WRNIP1: variants seen among roughly 807,000 people sequenced by gnomAD.
WRNIP1 encodes WRN helicase interacting protein 1, also known as ATPase WRNIP1.
WRNIP1 carries 41 observed loss-of-function variants against 56.1 expected under a neutral mutation model. The ratio of observed to expected loss-of-function variants is 0.73; its 90% CI spans 0.57 to 0.95. WRNIP1 has a LOEUF of 0.95. Ranked by LOEUF, WRNIP1 falls within the 40% of genes least tolerant of loss-of-function variation. The probability of loss-of-function intolerance (pLI) is 0.00; values close to 1 mark genes in which losing one functional copy is unlikely to be tolerated. For missense variants in WRNIP1, 1,170 were observed against 939.4 expected (o/e 1.25, Z -3.21); for synonymous variants, 547 against 398.1 (o/e 1.37, Z -4.45).
intron 1 of WRNIP1, among the ~76,000 whole-genome samples, chr6:2,767,574 T>C (rs774845141): frequency 1.3e-5 from 2 of 152,222 alleles, no homozygotes; most frequent in Non-Finnish European, 2.9e-5. Flanking sequence ...TAACATCTTA[T>C]GATGATGGTG....
At chr6:2,784,249 G>T in intron 5 of WRNIP1, 75 bp from the exon 6 acceptor site, 1 of 1,416,778 alleles carries the variant, frequency 7.1e-7, no homozygotes, top group Non-Finnish European at 9.8e-7. Flanking sequence ...GTGGTGGTCT[G>T]TGGTCGCCTG....
intron 2 of WRNIP1, 127 bp from the exon 3 acceptor site, chr6:2,769,993 C>T: frequency 7.5e-6 from 10 of 1,339,968 alleles, no homozygotes; most frequent in Non-Finnish European, 6.2e-6. Flanking sequence ...GAATATAAGG[C>T]TGCTGCTATT....
intron 4 of WRNIP1, among the ~76,000 whole-genome samples, chr6:2,780,140 G>A (rs1437066222): frequency 6.6e-6 from 1 of 152,178 alleles, no homozygotes; most frequent in African/African-American, 2.4e-5. Context: ...AAAAGAAGTG[G>A]GAGATGAATA....
chr6:2,765,599 G>T lies in WRNIP1; in HGVS notation c.-24G>T, dbSNP rs1457764094. 3.1e-5 allele frequency: 46 copies of T among 1,489,244 alleles called. No homozygotes were observed. The Admixed American group carries it at 9.9e-4, about 32-fold the overall frequency. The allele number at this position is 1,489,244 out of a possible 1,614,324, so 92.3% of individuals were successfully genotyped here. A position where few individuals can be genotyped will look rare whatever the true frequency, so the allele number is the denominator to read the frequency against. ...GCACGGGTTGCTGCGGCCGCGCCGG[G>T]CGCCGGGGAGGGCGGCGGCCGCCAT... is the stretch of plus-strand genomic sequence containing the variant. On this transcript the variant is annotated 5_prime_UTR_variant, in exon 1 of 7. Transcript: ENST00000380773.
chr6:2,767,538 C>A (rs947713341), intron 1 of WRNIP1, among the ~76,000 whole-genome samples: 1 of 152,190 alleles, frequency 6.6e-6, no homozygotes, highest in Non-Finnish European at 1.5e-5. Context: ...TCCCTTTGGC[C>A]AGGAATAAAC....
At chr6:2,773,479 C>T (rs1765359187) in intron 3 of WRNIP1, 17 of 985,358 alleles carry the variant, frequency 1.7e-5, no homozygotes, top group Non-Finnish European at 1.8e-5. Flanking sequence ...ATAGAAAGCT[C>T]ATTGTCTACG....
intron 3 of WRNIP1, 71 bp downstream of exon 3, chr6:2,770,432 G>A: frequency 1.3e-6 from 2 of 1,585,714 alleles, no homozygotes; most frequent in Middle Eastern, 1.8e-4. Context: ...GGGCCAGAAA[G>A]GGCCGGGCGT....
At chr6:2,784,971 C>A in intron 6 of WRNIP1, 36 bp from the exon 7 acceptor site, 1 of 1,608,064 alleles carries the variant, frequency 6.2e-7, no homozygotes, top group South Asian at 1.1e-5. Context: ...AGCTTGGCAT[C>A]TTGCTAGTAA....
intron 4 of WRNIP1, among the ~76,000 whole-genome samples, chr6:2,781,980 C>G (rs911414249): frequency 1.2e-4 from 18 of 152,254 alleles, no homozygotes; most frequent in Admixed American, 9.2e-4. Context: ...GTCCATTATA[C>G]TGGTGGTATT....
Position 2,785,640 on chromosome 6 carries a change from GT to G in WRNIP1, c.*362del, listed in dbSNP as rs1765691529. On this transcript the variant is annotated 3_prime_UTR_variant, in exon 7 of 7. Coordinates refer to ENST00000380773, the MANE Select transcript of WRNIP1 (RefSeq NM_020135.3). ...CTTTAAAAAATGTATATTCTGGGTA[GT>G]TTTAATTGGTAAAAAAATGTAATTG... The G allele has an allele frequency of 4.6e-6, 1 of 217,158 alleles. No individual in the cohort carries two copies. The highest frequency in any genetic ancestry group is 2.3e-5 in the African/African-American group (1 of 43,194). The allele number at this position is 217,158 out of a possible 1,614,324, so 13.5% of individuals were successfully genotyped here. A position where few individuals can be genotyped will look rare whatever the true frequency, so the allele number is the denominator to read the frequency against.
At chr6:2,773,114 A>G in intron 3 of WRNIP1, 1 of 985,470 alleles carries the variant, frequency 1.0e-6, no homozygotes, top group South Asian at 4.7e-5. Flanking sequence ...CACTTGAGGA[A>G]TTGTGAGTTG....
intron 3 of WRNIP1, among the ~76,000 whole-genome samples, chr6:2,772,112 G>A (rs559293643): frequency 9.9e-5 from 15 of 152,280 alleles, no homozygotes; most frequent in Admixed American, 5.9e-4. Context: ...AATGAGAAAG[G>A]CGGCAGCCAA....
rs762250612 is a variant in WRNIP1, at chr6:2,766,459, G to A, written c.822+15G>A. ...GCTGCGGCAAGGTGAGTGCGGCCTT[G>A]GCCGTTGGGCTTCCGTAGTTATCTC... On this transcript the variant is annotated intron_variant, in intron 1 of 6. Transcript: ENST00000380773. The A allele has an allele frequency of 4.7e-6, 7 of 1,502,224 alleles. No individual in the cohort carries two copies. In the East Asian group the frequency reaches 1.8e-4, roughly 38 times the overall value. The allele number at this position is 1,502,224 out of a possible 1,614,324, so 93.1% of individuals were successfully genotyped here. A position where few individuals can be genotyped will look rare whatever the true frequency, so the allele number is the denominator to read the frequency against.
At chr6:2,774,530 A>G (rs1284948458) in intron 3 of WRNIP1, among the ~76,000 whole-genome samples, 1 of 152,190 alleles carries the variant, frequency 6.6e-6, no homozygotes, top group East Asian at 1.9e-4. Context: ...GACATTTGTC[A>G]TTGGATTTAA....
At chr6:2,772,849 C>T (rs1452893604) in intron 3 of WRNIP1, 19 of 616,838 alleles carry the variant, frequency 3.1e-5, no homozygotes, top group African/African-American at 4.0e-5. Context: ...GCTCTATATA[C>T]ATCCTTGTGC....
In WRNIP1 at chr6:2,783,467, C is replaced by T. The variant is rs148099150; in HGVS notation, c.1548C>T (p.Asn516=). The change falls in exon 5 of 7, where the codon AAC becomes AAT. Residue 516 remains asparagine (N), a synonymous_variant. Transcript: ENST00000380773. ...LHKSMRGSDQ[N]ASLYWLARML... is the part of the protein sequence containing the mutation. Reference sequence around the variant, plus strand: ...AGTCCATGCGGGGCTCAGACCAGAACGCCTCCCTCTACTGGCTGGCTCGCA... The same window carrying T: ...AGTCCATGCGGGGCTCAGACCAGAATGCCTCCCTCTACTGGCTGGCTCGCA... 187 of 1,613,868 alleles carry T rather than the reference C, an allele frequency of 1.2e-4. No homozygotes were observed. In the African/African-American group the frequency reaches 1.9e-3, roughly 16 times the overall value.
intron 4 of WRNIP1, among the ~76,000 whole-genome samples, chr6:2,782,643 A>G (rs1302201175): frequency 6.6e-6 from 1 of 152,216 alleles, no homozygotes; most frequent in Non-Finnish European, 1.5e-5. Context: ...GCCAGAGAAT[A>G]GTGAAATGTA....
chr6:2,766,998 C>T (rs1181016531), intron 1 of WRNIP1, among the ~76,000 whole-genome samples: 2 of 152,086 alleles, frequency 1.3e-5, no homozygotes, highest in African/African-American at 2.4e-5. Flanking sequence ...ATTGATTTTA[C>T]TAAATATACT....
intron 5 of WRNIP1, 22 bp from the exon 6 acceptor site, chr6:2,784,302 C>T (rs1402693782): frequency 6.8e-6 from 11 of 1,609,218 alleles, no homozygotes; most frequent in African/African-American, 1.3e-5. Flanking sequence ...CTGAAACTCT[C>T]CTTTGTCTCT....
Sources: allele counts gnomAD v4.1 joint callset (sites outside exome capture counted in the v4.1 genomes callset), GRCh38; gene constraint gnomAD v4.1.1; transcripts MANE v1.5; gene names NCBI Gene and HGNC (gene_info 2026-07-23, HGNC 2026-07-21).